The following COL23A1 variants were observed in gnomAD, a reference collection of about 807,000 sequenced individuals.
COL23A1 encodes collagen alpha-1(XXIII) chain.
A neutral mutation model predicts 99.3 loss-of-function variants in COL23A1; 97 were observed. The ratio of observed to expected loss-of-function variants is 0.98; its 90% CI spans 0.83 to 1.16. The LOEUF is 1.16. Ranked by LOEUF, COL23A1 falls within the 50% of genes most tolerant of loss-of-function variation. The pLI is 0.00. For missense variants in COL23A1, 762 were observed against 757.4 expected (o/e 1.01, Z -0.07); for synonymous variants, 320 against 308.2 (o/e 1.04, Z -0.40).
chr5:178,367,011 A>G (rs1220903083), intron 2 of COL23A1, among the ~76,000 whole-genome samples: 1 of 152,002 alleles, frequency 6.6e-6, no homozygotes, highest in East Asian at 1.9e-4. Context: ...GTTTGTTGAA[A>G]CTGAATTTTA....
rs1445474840 is a variant in COL23A1, at chr5:178,365,172, A to G, written c.362-58253T>C. 8.5e-6 allele frequency among the ~76,000 whole-genome samples: 1 copy of G among 118,134 alleles called. No homozygotes were observed. The highest frequency in any genetic ancestry group is 1.0e-4 in the Admixed American group (1 of 9,574). 77.5% of individuals were successfully genotyped at this position (118,134 alleles called of 152,430 possible). A position where few individuals can be genotyped will look rare whatever the true frequency, so the allele number is the denominator to read the frequency against. On this transcript the variant is annotated intron_variant, in intron 2 of 28. Transcript: ENST00000390654. The surrounding 1 kb of genome is among the most constrained non-coding windows in gnomAD (Gnocchi z 5.2). The stretch of plus-strand genomic sequence containing the variant: ...GTGTGTGTGTGTGTGTGTGTGTGTG[A>G]TAAATAAGCAAAATTGTTTTCCTGG...
chr5:178,460,489 C>G (rs1196700076), intron 2 of COL23A1, among the ~76,000 whole-genome samples: 2 of 151,948 alleles, frequency 1.3e-5, no homozygotes, highest in Non-Finnish European at 2.9e-5. Flanking sequence ...AACTGGGAAA[C>G]ATCATCTGGG....
chr5:178,543,441 A>G (rs1361335565), intron 2 of COL23A1, among the ~76,000 whole-genome samples: 1 of 152,156 alleles, frequency 6.6e-6, no homozygotes, highest in Non-Finnish European at 1.5e-5. Context: ...TTTTTTAAAA[A>G]AATAAAAGGA....
At chr5:178,475,269 A>G (rs1345099620) in intron 2 of COL23A1, among the ~76,000 whole-genome samples, 2 of 152,224 alleles carry the variant, frequency 1.3e-5, no homozygotes, top group Non-Finnish European at 2.9e-5. Context: ...TTAACACATA[A>G]CATGTGTTTT....
chr5:178,442,966 C>T (rs549400354), intron 2 of COL23A1: 1 of 152,400 alleles, frequency 6.6e-6, no homozygotes, highest in Admixed American at 6.5e-5. Flanking sequence ...TTCCAGCACC[C>T]CAGGCGGCCT....
intron 2 of COL23A1, among the ~76,000 whole-genome samples, chr5:178,418,634 G>C (rs1765436136): frequency 6.7e-6 from 1 of 150,264 alleles, no homozygotes; most frequent in Admixed American, 6.6e-5. Flanking sequence ...CAGCCTCCCA[G>C]CCCCACAGTG....
chr5:178,586,100 A>G (rs1342806335), intron 1 of COL23A1, among the ~76,000 whole-genome samples: 2 of 152,216 alleles, frequency 1.3e-5, no homozygotes, highest in Non-Finnish European at 2.9e-5. Flanking sequence ...TGAGGAAAGG[A>G]CAAGAGAACG....
intron 1 of COL23A1, among the ~76,000 whole-genome samples, chr5:178,566,551 C>A (rs1013618196): frequency 6.6e-6 from 1 of 152,060 alleles, no homozygotes; most frequent in Non-Finnish European, 1.5e-5. Flanking sequence ...TGTGGTGGCT[C>A]GCGCCTGTAA....
intron 2 of COL23A1, among the ~76,000 whole-genome samples, chr5:178,319,123 G>A (rs1759143488): frequency 1.3e-5 from 2 of 152,158 alleles, no homozygotes; most frequent in Admixed American, 1.3e-4. Flanking sequence ...TGGGGATATG[G>A]CTCTTGCTAC....
At chr5:178,368,793 T>G (rs1401346873) in intron 2 of COL23A1, among the ~76,000 whole-genome samples, 1 of 152,242 alleles carries the variant, frequency 6.6e-6, no homozygotes, top group African/African-American at 2.4e-5. Flanking sequence ...GCAAGCCAAG[T>G]AGGACACCAA....
In COL23A1 at chr5:178,428,589, G is replaced by A. The variant is rs983870177; in HGVS notation, c.362-121670C>T. 1.3e-5 allele frequency among the ~76,000 whole-genome samples: 2 copies of A among 152,196 alleles called. No homozygotes were observed. Among genetic ancestry groups the A allele is most frequent in the African/African-American group, 2.4e-5 (1 of 41,452 alleles). The stretch of plus-strand genomic sequence containing the variant: ...TCCTCCTGGCTGGCAGCCCCTGCCC[G>A]GCCCAGGCCTTTTTAGCCCCCGAGC... On this transcript the variant is annotated intron_variant, in intron 2 of 28. Transcript: ENST00000390654. This position sits in a 1 kb window ranked among gnomAD's most constrained non-coding sequence, Gnocchi z 5.0.
At chr5:178,323,001 C>T (rs368643854) in intron 2 of COL23A1, among the ~76,000 whole-genome samples, 1 of 152,122 alleles carries the variant, frequency 6.6e-6, no homozygotes, top group East Asian at 1.9e-4. Flanking sequence ...TTCCTGGTGT[C>T]TGGAAACTTG....
intron 2 of COL23A1, among the ~76,000 whole-genome samples, chr5:178,505,962 G>A (rs1219662818): frequency 6.6e-6 from 1 of 151,356 alleles, no homozygotes; most frequent in Non-Finnish European, 1.5e-5. Context: ...AGTCTAAGCA[G>A]ACCTACAGGT....
intron 2 of COL23A1, among the ~76,000 whole-genome samples, chr5:178,391,116 A>C (rs1185572986): frequency 6.6e-6 from 1 of 152,214 alleles, no homozygotes; most frequent in African/African-American, 2.4e-5. Flanking sequence ...TCATAGGAGC[A>C]TGAACCCTAT....
intron 2 of COL23A1, among the ~76,000 whole-genome samples, chr5:178,498,208 A>T (rs1225286480): frequency 2.3e-4 from 2 of 8,716 alleles, no homozygotes; most frequent in East Asian, 0.011. Flanking sequence ...TTATTTAAAT[A>T]TATATATATA....
intron 2 of COL23A1, among the ~76,000 whole-genome samples, chr5:178,312,486 T>C (rs1258916472): frequency 6.6e-6 from 1 of 152,166 alleles, no homozygotes; most frequent in Non-Finnish European, 1.5e-5. Context: ...CTCACGCCGC[T>C]GATCAACTCC....
rs180701148 is a variant in COL23A1 at position 178,446,684 on chromosome 5, A to G, written c.361+113998T>C. Among the ~76,000 whole-genome samples, 92 of 152,294 alleles carry G rather than the reference A, an allele frequency of 6.0e-4. 1 individual carries two copies. The highest frequency in any genetic ancestry group is 1.0e-4 in the Non-Finnish European group (7 of 67,972). On this transcript the variant is annotated intron_variant, in intron 2 of 28. Coordinates refer to ENST00000390654, the MANE Select transcript of COL23A1 (RefSeq NM_173465.4). ...GAAATGCCCTAAACATCTGATCACC[A>G]ATTTTGCAACAAAACTTCATGTTTT...
chr5:178,479,915 CTGCACACCCAGGCTGTGT>C (rs1419181366), intron 2 of COL23A1, among the ~76,000 whole-genome samples: 15 of 152,282 alleles, frequency 9.9e-5, no homozygotes, highest in African/African-American at 3.6e-4. Context: ...GGGCGGCCTA[CTGCACACCCAGGCTGTGT>C]GGCACAGCCC....
intron 25 of COL23A1, among the ~76,000 whole-genome samples, chr5:178,245,055 A>C (rs1764599058): frequency 7.7e-6 from 1 of 129,760 alleles, no homozygotes; most frequent in Admixed American, 7.6e-5. Flanking sequence ...TCTATCATCC[A>C]TCCATCCATC....
Sources: gnomAD v4.1 joint callset for allele counts (sites outside exome capture counted in the v4.1 genomes callset) on GRCh38, gnomAD v4.1.1 for gene constraint, Gnocchi (gnomAD v3.1) non-coding constraint, MANE v1.5 for transcripts, NCBI Gene and HGNC (gene_info 2026-07-23, HGNC 2026-07-21) for gene names.